The following EGFR variants were observed in gnomAD, a reference collection of about 807,000 sequenced individuals.
EGFR encodes avian erythroblastic leukemia viral (v-erb-b) oncogene homolog.
A neutral mutation model predicts 143.0 loss-of-function variants in EGFR; 58 were observed. The ratio of observed to expected loss-of-function variants is 0.41; its 90% CI spans 0.33 to 0.50. The LOEUF (loss-of-function observed/expected upper bound fraction) is 0.50, where lower values mean the gene tolerates loss of function less well. Ranked by LOEUF, EGFR falls within the 20% of genes least tolerant of loss-of-function variation. The pLI, the probability that EGFR is intolerant of heterozygous loss-of-function variation, is 0.39. For missense variants in EGFR, 1,307 were observed against 1,579.0 expected (o/e 0.83, Z 2.92); for synonymous variants, 613 against 594.4 (o/e 1.03, Z -0.45).
At chr7:55,170,446 C>T in intron 15 of EGFR, 1 of 1,614,170 alleles carries the variant, frequency 6.2e-7, no homozygotes, top group South Asian at 1.1e-5. Flanking sequence ...GATCCCTTCT[C>T]TTCTGCCGTC....
rs1788749172 is a variant in EGFR, at chr7:55,055,394, C to A, written c.88+36029C>A. 2.0e-5 allele frequency among the ~76,000 whole-genome samples: 3 copies of A among 151,986 alleles called. No homozygotes were observed. In the South Asian group the frequency reaches 6.2e-4, roughly 32 times the overall value. On this transcript the variant is annotated intron_variant, in intron 1 of 27. Coordinates refer to ENST00000275493, the MANE Select transcript of EGFR (RefSeq NM_005228.5). ...AGTTGAGTATCGCTGTTCTAACGTG[C>A]AGATCTGGTCATGTTACCAGCCTTT...
At chr7:55,154,280 C>G (rs965658996) in intron 7 of EGFR, 128 bp downstream of exon 7, 6 of 1,427,350 alleles carry the variant, frequency 4.2e-6, no homozygotes, top group Non-Finnish European at 5.8e-6. Flanking sequence ...TTGGAGGAGG[C>G]GACCCTGTGC....
At chr7:55,193,692 C>T (rs1300100245) in intron 22 of EGFR, among the ~76,000 whole-genome samples, 3 of 152,166 alleles carry the variant, frequency 2.0e-5, no homozygotes, top group East Asian at 1.9e-4. Flanking sequence ...AGGGAGGAGT[C>T]GCCTCACCTC....
chr7:55,201,975 C>T (rs112336697), intron 26 of EGFR, among the ~76,000 whole-genome samples, 193 bp downstream of exon 26: 12 of 31,816 alleles, frequency 3.8e-4, no homozygotes, highest in African/African-American at 2.0e-3. Flanking sequence ...GTAGTAGCAT[C>T]GCCTGGCCTT....
rs1786344245 is a variant in EGFR at position 55,019,053 on chromosome 7, G to A, written c.-225G>A. 2 of 251,698 alleles carry A rather than the reference G, an allele frequency of 7.9e-6. No individual in the cohort carries two copies. Among genetic ancestry groups the A allele is most frequent in the East Asian group, 1.6e-4 (2 of 12,688 alleles). The allele number at this position is 251,698 out of a possible 1,614,324, so 15.6% of individuals were successfully genotyped here. ...CAGCCCCCGGCGCAGCGCGGCCGCA[G>A]CAGCCTCCGCCCCCCGCACGGTGTG... On this transcript the variant is annotated 5_prime_UTR_variant, in exon 1 of 28. Transcript: ENST00000275493.
At chr7:55,117,149 C>G (rs1170920699) in intron 1 of EGFR, among the ~76,000 whole-genome samples, 3 of 152,196 alleles carry the variant, frequency 2.0e-5, no homozygotes, top group Non-Finnish European at 4.4e-5. Context: ...AGTAAACCCC[C>G]AAAGATTGCC....
At chr7:55,086,915 C>A (rs1790797982) in intron 1 of EGFR, among the ~76,000 whole-genome samples, 1 of 152,192 alleles carries the variant, frequency 6.6e-6, no homozygotes, top group Non-Finnish European at 1.5e-5. Context: ...TCATTGCAAG[C>A]TTGCATTTTT....
intron 22 of EGFR, among the ~76,000 whole-genome samples, chr7:55,194,078 T>C (rs75353531): frequency 0.037 from 5,686 of 152,210 alleles, 358 homozygotes; most frequent in African/African-American, 0.13. Flanking sequence ...ACGAGGGAAC[T>C]GCAGGGTCCT....
chr7:55,099,228 G>T (rs951726473), intron 1 of EGFR, among the ~76,000 whole-genome samples: 5 of 152,196 alleles, frequency 3.3e-5, no homozygotes, highest in Non-Finnish European at 7.3e-5. Flanking sequence ...CAAAGACTGT[G>T]CTTGAGTTCT....
chr7:55,079,257 A>G (rs1323638651), intron 1 of EGFR, among the ~76,000 whole-genome samples: 1 of 152,204 alleles, frequency 6.6e-6, no homozygotes, highest in Non-Finnish European at 1.5e-5. Context: ...GGCGGCCTGC[A>G]GAGCTGGAGC....
intron 1 of EGFR, among the ~76,000 whole-genome samples, chr7:55,072,808 G>A (rs1234029143): frequency 1.3e-5 from 2 of 152,194 alleles, no homozygotes; most frequent in Non-Finnish European, 2.9e-5. Context: ...ATGGAAAGAT[G>A]TCTGGAGTCA....
intron 1 of EGFR, among the ~76,000 whole-genome samples, chr7:55,046,831 G>A (rs1032512618): frequency 6.6e-6 from 1 of 152,142 alleles, no homozygotes; most frequent in African/African-American, 2.4e-5. Context: ...ATTTCCACAT[G>A]AGTTTTGGAA....
chr7:55,044,379 T>G (rs1788071338), intron 1 of EGFR, among the ~76,000 whole-genome samples: 1 of 152,232 alleles, frequency 6.6e-6, no homozygotes, highest in Non-Finnish European at 1.5e-5. Context: ...TTTATGGGAC[T>G]TTGAAATAAT....
At chr7:55,097,252 C>T (rs1032693759) in intron 1 of EGFR, among the ~76,000 whole-genome samples, 9 of 152,208 alleles carry the variant, frequency 5.9e-5, no homozygotes, top group Admixed American at 3.3e-4. Context: ...CTGCCTGGAA[C>T]GCAGAATCCC....
intron 1 of EGFR, among the ~76,000 whole-genome samples, chr7:55,086,672 C>T (rs867309939): frequency 7.9e-5 from 12 of 152,218 alleles, no homozygotes; most frequent in African/African-American, 2.7e-4. Context: ...GAGGTGGCCA[C>T]GCTTAGGTCG....
At chr7:55,181,013 T>G in intron 19 of EGFR, 1 of 552,852 alleles carries the variant, frequency 1.8e-6, no homozygotes, top group Non-Finnish European at 3.3e-6. Flanking sequence ...GACTCCTCCT[T>G]TATCCAATGT....
At chr7:55,157,316 T>C (rs1227561911) in intron 10 of EGFR, among the ~76,000 whole-genome samples, 1 of 152,206 alleles carries the variant, frequency 6.6e-6, no homozygotes, top group Non-Finnish European at 1.5e-5. Flanking sequence ...TTTGTAAAGC[T>C]CCTTGTATGT....
At chr7:55,023,955 C>T (rs1786735556) in intron 1 of EGFR, among the ~76,000 whole-genome samples, 1 of 152,164 alleles carries the variant, frequency 6.6e-6, no homozygotes, top group Non-Finnish European at 1.5e-5. Context: ...TCTAGATTGT[C>T]CTCCATTGGG....
At chr7:55,037,044 G>C (rs1202578714) in intron 1 of EGFR, among the ~76,000 whole-genome samples, 1 of 152,216 alleles carries the variant, frequency 6.6e-6, no homozygotes, top group Non-Finnish European at 1.5e-5. Context: ...ACTCTTGTTT[G>C]TGGGAGCTCC....
Sources: gnomAD v4.1 joint callset for allele counts (sites outside exome capture counted in the v4.1 genomes callset) on GRCh38, gnomAD v4.1.1 for gene constraint, MANE v1.5 for transcripts, NCBI Gene and HGNC (gene_info 2026-07-23, HGNC 2026-07-21) for gene names.